The following C8orf34 variants were observed in gnomAD, a reference collection of about 807,000 sequenced individuals.
C8orf34 encodes uncharacterized protein C8orf34.
A neutral mutation model predicts 68.3 loss-of-function variants in C8orf34; 65 were observed. That is an observed-to-expected ratio of 0.95 (90% CI 0.78 to 1.17). The LOEUF (loss-of-function observed/expected upper bound fraction) is 1.17. Ranked by LOEUF, C8orf34 falls within the 50% of genes most tolerant of loss-of-function variation. C8orf34 has a pLI of 0.00. For missense variants in C8orf34, 664 were observed against 655.4 expected, an observed-to-expected ratio of 1.01 and a Z score of -0.14; for synonymous variants, 244 against 241.2, an observed-to-expected ratio of 1.01 and a Z score of -0.11.
rs202010683 is a variant in C8orf34 at position 68,749,292 on chromosome 8, AC to A, written c.1405-27106del. ...TGGGAGATATACCTAATGCGAGATGACGAGTTAGAGGGTGCAGTGCACCAGC... is the reference window on the plus strand; with the variant it reads ...TGGGAGATATACCTAATGCGAGATGAGAGTTAGAGGGTGCAGTGCACCAGC... On this transcript the variant is annotated intron_variant, in intron 10 of 13. Transcript: ENST00000518698. Among the ~76,000 whole-genome samples, 858 of 152,210 alleles carry A rather than the reference AC, an allele frequency of 5.6e-3. 8 individuals carry two copies. Among genetic ancestry groups the A allele is most frequent in the African/African-American group, 0.02 (812 of 41,530 alleles).
At chr8:68,676,521 C>A (rs939556568) in intron 8 of C8orf34, among the ~76,000 whole-genome samples, 1 of 152,110 alleles carries the variant, frequency 6.6e-6, no homozygotes. Flanking sequence ...GCATTATAAA[C>A]CAAATGGACC....
At chr8:68,642,724 G>T (rs988582000) in intron 8 of C8orf34, among the ~76,000 whole-genome samples, 1 of 152,150 alleles carries the variant, frequency 6.6e-6, no homozygotes, top group African/African-American at 2.4e-5. Flanking sequence ...TCCAGGGAGG[G>T]CCTCCATCTG....
At chr8:68,482,089 T>A (rs1413147532) in intron 4 of C8orf34, among the ~76,000 whole-genome samples, 1 of 152,188 alleles carries the variant, frequency 6.6e-6, no homozygotes, top group African/African-American at 2.4e-5. Flanking sequence ...GGGGAGGTAA[T>A]TGAATCATGG....
intron 1 of C8orf34, among the ~76,000 whole-genome samples, chr8:68,426,518 CAAA>C (rs753578060): frequency 0.083 from 2,443 of 29,432 alleles, 31 homozygotes; most frequent in African/African-American, 0.14. Flanking sequence ...GACCTTGTCT[CAAA>C]AAAAAAAAAA....
intron 8 of C8orf34, among the ~76,000 whole-genome samples, chr8:68,681,822 A>G (rs1820379240): frequency 6.6e-6 from 1 of 152,198 alleles, no homozygotes; most frequent in Non-Finnish European, 1.5e-5. Flanking sequence ...ACAATGCAGT[A>G]CTATTAAGCT....
chr8:68,785,409 T>G (rs568587982), intron 11 of C8orf34, among the ~76,000 whole-genome samples: 1 of 112,522 alleles, frequency 8.9e-6, no homozygotes, highest in Non-Finnish European at 1.7e-5. Flanking sequence ...CTCATCCATT[T>G]ACTTTACTGT....
At chr8:68,769,240 G>C (rs1316550013) in intron 10 of C8orf34, among the ~76,000 whole-genome samples, 2 of 151,176 alleles carry the variant, frequency 1.3e-5, no homozygotes, top group African/African-American at 4.9e-5. Context: ...GATCTCCTCT[G>C]CCAATCTTCA....
intron 8 of C8orf34, among the ~76,000 whole-genome samples, chr8:68,702,289 T>A (rs1047854197): frequency 6.6e-6 from 1 of 151,996 alleles, no homozygotes; most frequent in African/African-American, 2.4e-5. Context: ...CCAAATACCC[T>A]CCTAGATTTT....
rs140181918 is a variant in C8orf34, at chr8:68,379,869, C to T, written c.327+48530C>T. 8.4e-3 allele frequency among the ~76,000 whole-genome samples: 1,279 copies of T among 152,048 alleles called. 7 individuals are homozygous for T. Among genetic ancestry groups the T allele is most frequent in the Non-Finnish European group, 0.011 (759 of 67,946 alleles). On this transcript the variant is annotated intron_variant, in intron 1 of 13. Transcript: ENST00000518698. The stretch of plus-strand genomic sequence containing the variant: ...GGTTTTTGTTTATTTGTTTGTTTTT[C>T]GAGACAGAGTCTCACTCTGTTACCC...
chr8:68,339,774 TA>T (rs11331734), intron 1 of C8orf34, among the ~76,000 whole-genome samples: 5,643 of 152,034 alleles, frequency 0.037, 352 homozygotes, highest in African/African-American at 0.13. Context: ...ATATAAACTG[TA>T]AAAAAATCAA....
At chr8:68,407,061 A>G (rs1294779372) in intron 1 of C8orf34, among the ~76,000 whole-genome samples, 3 of 152,224 alleles carry the variant, frequency 2.0e-5, no homozygotes, top group African/African-American at 4.8e-5. Flanking sequence ...GGATCTACAT[A>G]GAGGAATCAT....
At chr8:68,518,418 A>G (rs576544845) in intron 5 of C8orf34, among the ~76,000 whole-genome samples, 1 of 152,270 alleles carries the variant, frequency 6.6e-6, no homozygotes, top group African/African-American at 2.4e-5. Flanking sequence ...ACAGAATAGC[A>G]ATGAAAAACC....
intron 12 of C8orf34, among the ~76,000 whole-genome samples, chr8:68,813,761 C>A (rs1282498267): frequency 6.6e-6 from 1 of 152,068 alleles, no homozygotes; most frequent in Non-Finnish European, 1.5e-5. Context: ...ATAGTCTTAC[C>A]AATCACTTTT....
chr8:68,708,585 T>G (rs1480789483), intron 8 of C8orf34, among the ~76,000 whole-genome samples: 4 of 152,196 alleles, frequency 2.6e-5, no homozygotes, highest in Admixed American at 2.6e-4. Context: ...AGATTGTGCT[T>G]GATAAACCTC....
chr8:68,732,269 T>G (rs1283815354), intron 10 of C8orf34, among the ~76,000 whole-genome samples: 3 of 152,210 alleles, frequency 2.0e-5, no homozygotes, highest in Non-Finnish European at 4.4e-5. Flanking sequence ...AGTATTCTCT[T>G]AAAATCTATA....
At position 68,776,250 on chromosome 8, in the gene C8orf34, G is replaced by A. The variant is rs566689727; in HGVS notation, c.1405-149G>A. The A allele has an allele frequency of 3.0e-5, 19 of 630,166 alleles. No homozygotes were observed. In the East Asian group the frequency reaches 5.8e-4, roughly 19 times the overall value. The allele number at this position is 630,166 out of a possible 1,614,324, so 39.0% of individuals were successfully genotyped here. ...TTTTTTTTCAAAGAGTAAGAAGTTG[G>A]CAAACTAACAATCCCACAAGTATCA... On this transcript the variant is annotated intron_variant, in intron 10 of 13. Transcript: ENST00000518698.
At chr8:68,372,628 T>A (rs1807609715) in intron 1 of C8orf34, among the ~76,000 whole-genome samples, 1 of 152,240 alleles carries the variant, frequency 6.6e-6, no homozygotes, top group Non-Finnish European at 1.5e-5. Flanking sequence ...ATACTTTAAG[T>A]TCTGGGATAC....
chr8:68,650,285 C>G (rs942546472), intron 8 of C8orf34, among the ~76,000 whole-genome samples: 5 of 151,804 alleles, frequency 3.3e-5, no homozygotes, highest in African/African-American at 1.2e-4. Context: ...GTTTAACAAG[C>G]AAAAGGAAGA....
At chr8:68,590,268 A>G (rs1043922279) in intron 7 of C8orf34, among the ~76,000 whole-genome samples, 1 of 151,608 alleles carries the variant, frequency 6.6e-6, no homozygotes, top group Admixed American at 6.6e-5. Flanking sequence ...AAGATGGAGG[A>G]AGGAAAGAAA....
Sources: gnomAD v4.1 joint callset for allele counts (sites outside exome capture counted in the v4.1 genomes callset) on GRCh38, gnomAD v4.1.1 for gene constraint, MANE v1.5 for transcripts, NCBI Gene and HGNC (gene_info 2026-07-23, HGNC 2026-07-21) for gene names.